Variants in TACC2 observed in about 807,000 individuals in gnomAD.
TACC2 encodes the protein transforming acidic coiled-coil containing protein 2.
Under a neutral mutation model 227.3 loss-of-function variants are expected in TACC2, and 137 were observed. That is an observed-to-expected ratio of 0.60 (90% CI 0.52 to 0.69). The LOEUF (loss-of-function observed/expected upper bound fraction) is 0.69. Among genes scored for constraint, TACC2 ranks in the 30% least tolerant of loss-of-function variants. The pLI is 0.00. For missense variants in TACC2, 3,470 were observed against 3,694.4 expected (o/e 0.94, Z 1.57); for synonymous variants, 1,523 against 1,487.5 (o/e 1.02, Z -0.55).
intron 21 of TACC2, 62 bp from the exon 22 acceptor site, chr10:122,249,480 GAA>G (rs886903926): frequency 6.3e-7 from 1 of 1,581,264 alleles, no homozygotes; most frequent in African/African-American, 1.3e-5. Context: ...CTGGACCTGG[GAA>G]GCAGGAGGTG....
chr10:122,253,342 G>A (rs544853916), intron 22 of TACC2, among the ~76,000 whole-genome samples: 2 of 152,146 alleles, frequency 1.3e-5, no homozygotes, highest in Non-Finnish European at 2.9e-5. Context: ...GGATCGTCCC[G>A]TTGGATCCCC....
intron 9 of TACC2, 148 bp downstream of exon 9, chr10:122,211,856 C>G: frequency 1.6e-6 from 1 of 626,584 alleles, no homozygotes; most frequent in Non-Finnish European, 2.6e-6. Context: ...TTGCACCAAG[C>G]AGACAATGTA....
intron 22 of TACC2, 91 bp downstream of exon 22, chr10:122,249,755 G>A: frequency 7.0e-7 from 1 of 1,438,676 alleles, no homozygotes; most frequent in Non-Finnish European, 9.3e-7. Flanking sequence ...GGCTTCCCTG[G>A]CCACTGCTGC....
chr10:122,166,928 GAGT>G (rs757140098), intron 7 of TACC2, among the ~76,000 whole-genome samples: 1 of 152,242 alleles, frequency 6.6e-6, no homozygotes, highest in Non-Finnish European at 1.5e-5. Flanking sequence ...GGAAGTACTT[GAGT>G]AAATGTGGGC....
chr10:122,118,084 G>C (rs2085050729), intron 5 of TACC2, among the ~76,000 whole-genome samples: 1 of 149,806 alleles, frequency 6.7e-6, no homozygotes, highest in African/African-American at 2.5e-5. Flanking sequence ...TGCCATCTCA[G>C]CTCACGGCAA....
intron 5 of TACC2, among the ~76,000 whole-genome samples, chr10:122,089,597 C>G (rs370568629): frequency 6.6e-6 from 1 of 152,250 alleles, no homozygotes. Context: ...AGTGAACAAG[C>G]TTTCCGCCTC....
At chr10:122,014,654 G>A (rs956895116) in intron 1 of TACC2, among the ~76,000 whole-genome samples, 13 of 152,190 alleles carry the variant, frequency 8.5e-5, no homozygotes, top group African/African-American at 2.4e-4. Flanking sequence ...TGTGGCTTCT[G>A]CAGTCTTGCT....
intron 1 of TACC2, among the ~76,000 whole-genome samples, chr10:121,993,154 A>T (rs10159583): frequency 0.16 from 24,230 of 152,004 alleles, 2,253 homozygotes; most frequent in Admixed American, 0.24. Flanking sequence ...CCCCTGCCTC[A>T]ACAACAAACA....
chr10:122,169,899 C>T (rs749878964), intron 7 of TACC2, among the ~76,000 whole-genome samples: 18 of 151,920 alleles, frequency 1.2e-4, no homozygotes, highest in East Asian at 1.2e-3. Flanking sequence ...TACGGGTGCA[C>T]GCCACCATGC....
At chr10:122,138,916 C>G (rs568248315) in intron 6 of TACC2, among the ~76,000 whole-genome samples, 1 of 152,222 alleles carries the variant, frequency 6.6e-6, no homozygotes, top group Admixed American at 6.5e-5. Context: ...CTTGGATATC[C>G]AAGATCAGTC....
At chr10:122,082,618 A>G (rs2079648039) in intron 3 of TACC2, 29 bp from the exon 4 acceptor site, 9 of 1,578,838 alleles carry the variant, frequency 5.7e-6, no homozygotes, top group Middle Eastern at 3.4e-4. Flanking sequence ...GGCATCCATG[A>G]TAACCAATGA....
chr10:122,007,574 G>C (rs1366356452), intron 1 of TACC2, among the ~76,000 whole-genome samples: 1 of 152,114 alleles, frequency 6.6e-6, no homozygotes, highest in African/African-American at 2.4e-5. Flanking sequence ...ATGGCACTGA[G>C]GTGTTTTACA....
intron 6 of TACC2, among the ~76,000 whole-genome samples, chr10:122,137,232 A>G (rs2089848661): frequency 6.6e-6 from 1 of 151,960 alleles, no homozygotes. Flanking sequence ...CTTTGAACAA[A>G]TGACCACATT....
intron 22 of TACC2, among the ~76,000 whole-genome samples, chr10:122,251,385 C>A (rs2096252225): frequency 6.6e-6 from 1 of 152,170 alleles, no homozygotes; most frequent in Admixed American, 6.5e-5. Flanking sequence ...TATGCGGTCA[C>A]AACTGTCAAG....
intron 19 of TACC2, among the ~76,000 whole-genome samples, chr10:122,243,602 A>C (rs1431720738): frequency 6.6e-6 from 1 of 152,162 alleles, no homozygotes; most frequent in Non-Finnish European, 1.5e-5. Context: ...ATTTATGAAC[A>C]CATATGGATA....
At chr10:122,227,199 A>G (rs2095646464) in intron 13 of TACC2, among the ~76,000 whole-genome samples, 1 of 152,122 alleles carries the variant, frequency 6.6e-6, no homozygotes, top group African/African-American at 2.4e-5. Flanking sequence ...GTAAATGTAC[A>G]TTATTGATAT....
intron 1 of TACC2, among the ~76,000 whole-genome samples, chr10:122,008,371 C>G (rs2135272621): frequency 1.3e-5 from 2 of 151,738 alleles, no homozygotes; most frequent in Middle Eastern, 3.4e-3. Context: ...AGCGATTCTC[C>G]TGCCTCAGCC....
At chr10:122,112,948 C>T (rs112033490) in intron 5 of TACC2, 1 of 152,168 alleles carries the variant, frequency 6.6e-6, no homozygotes, top group South Asian at 2.1e-4. Context: ...AGCGCTGCCC[C>T]GGGTCGGAGA....
intron 12 of TACC2, 43 bp from the exon 13 acceptor site, chr10:122,226,323 G>A (rs1279515235): frequency 7.1e-7 from 1 of 1,413,132 alleles, no homozygotes; most frequent in Non-Finnish European, 1.0e-6. Flanking sequence ...TGCACGTTCA[G>A]GCCAACTGTA....
Sources: allele counts gnomAD v4.1 joint callset (sites outside exome capture counted in the v4.1 genomes callset), GRCh38; gene constraint gnomAD v4.1.1; transcripts MANE v1.5; gene names NCBI Gene and HGNC (gene_info 2026-07-23, HGNC 2026-07-21).